The following WDR90 variants were observed in gnomAD, a reference collection of about 807,000 sequenced individuals.
The protein encoded by WDR90 is WD repeat domain 90.
In WDR90, 238 loss-of-function variants were observed where a neutral mutation model predicts 195.2. That is an observed-to-expected ratio of 1.22 (90% CI 1.10 to 1.36). The LOEUF (loss-of-function observed/expected upper bound fraction) is 1.36. WDR90 is among the 40% of genes most tolerant of loss of function. The probability of loss-of-function intolerance (pLI) is 0.00; values close to 1 mark genes in which losing one functional copy is unlikely to be tolerated. For missense variants in WDR90, 2,734 were observed against 2,439.5 expected (o/e 1.12, Z -2.54); for synonymous variants, 1,265 against 1,052.4 (o/e 1.20, Z -3.91).
chr16:657,453 C>CAGCCCA (rs2037784853), intron 20 of WDR90: 1 of 768,046 alleles, frequency 1.3e-6, no homozygotes. Flanking sequence ...AGGCGGCAGG[C>CAGCCCA]AGCCCAAGCT....
Position 657,772 on chromosome 16 carries a change from A to T in WDR90, c.2484A>T (p.Val828=), listed in dbSNP as rs920042982. ...WHVLRVAADM[V]CPDAPASPSA... The stretch of plus-strand genomic sequence containing the variant: ...CCCGTGTGGCCACAGCGGACATGGT[A>T]TGCCCGGATGCCCCCGCGAGCCCCA... The change falls in exon 21 of 41, where the codon GTA becomes GTT. Residue 828 remains valine, a synonymous_variant. Transcript: ENST00000293879. 1 of 1,548,280 alleles carries T rather than the reference A, an allele frequency of 6.5e-7. No homozygotes were observed. Among genetic ancestry groups the T allele is most frequent in the African/African-American group, 1.4e-5 (1 of 72,932 alleles).
At chr16:650,949 T>C in intron 5 of WDR90, 46 bp from the exon 6 acceptor site, 1 of 1,597,298 alleles carries the variant, frequency 6.3e-7, no homozygotes, top group African/African-American at 1.3e-5. Context: ...TGTGTTCAGG[T>C]GGCTAAACAG....
intron 40 of WDR90, 150 bp downstream of exon 40, chr16:667,139 G>A: frequency 1.1e-6 from 1 of 912,770 alleles, no homozygotes; most frequent in South Asian, 1.5e-5. Flanking sequence ...GAGGGTCCTG[G>A]AGTCAGGAGA....
In WDR90 at chr16:666,287, C is replaced by T; in HGVS notation, c.4677C>T (p.Thr1559=). The part of the protein sequence containing the change: ...VAVSHPCTGT[T]FRVLSDHQGA... ...TGAGCCACCCCTGCACAGGGACAAC[C>T]TTCCGTGTGCTGAGTGACCACCAGG... Residue 1559 remains threonine (T), a synonymous_variant, in exon 37 of 41, where the codon ACC becomes ACT. Transcript: ENST00000293879. 1 of 1,612,656 alleles carries T rather than the reference C, an allele frequency of 6.2e-7. No individual in the cohort carries two copies. Among genetic ancestry groups the T allele is most frequent in the South Asian group, 1.1e-5 (1 of 91,086 alleles).
At position 650,565 on chromosome 16, in the gene WDR90, G is replaced by T. The variant is rs1313199026; in HGVS notation, c.415G>T (p.Ala139Ser). 7 of 1,611,214 alleles carry T rather than the reference G, an allele frequency of 4.3e-6. No homozygotes were observed. In the East Asian group the frequency reaches 1.6e-4, roughly 36 times the overall value. ...TCTGGTGGGTTTGGCCCCCTCCGGAGCCCGCTGGACCTGCCTGCAGCTCGA... is the reference window on the plus strand; with the variant it reads ...TCTGGTGGGTTTGGCCCCCTCCGGATCCCGCTGGACCTGCCTGCAGCTCGA... ...RDLVGLAPSG[A>S]RWTCLQLDLQ... The change falls in exon 5 of 41, where the codon GCC (alanine) becomes TCC (serine). Residue 139 changes from alanine (A) to serine (S), a missense_variant. Coordinates refer to ENST00000293879, the MANE Select transcript of WDR90 (RefSeq NM_145294.5).
intron 36 of WDR90, 31 bp downstream of exon 36, chr16:666,155 C>T (rs756172359): frequency 5.0e-6 from 8 of 1,605,200 alleles, no homozygotes; most frequent in East Asian, 4.5e-5. Context: ...GGGATGGTGC[C>T]GTCCTGACCT....
chr16:656,047 C>G lies in WDR90; in HGVS notation c.1966+158C>G, dbSNP rs747482158. The G allele has an allele frequency of 2.6e-5, 25 of 965,840 alleles. No individual in the cohort carries two copies. The South Asian group carries it at 3.8e-4, about 15-fold the overall frequency. The allele number at this position is 965,840 out of a possible 1,614,324, so 59.8% of individuals were successfully genotyped here. On this transcript the variant is annotated intron_variant, in intron 17 of 40. Transcript: ENST00000293879. ...TGGCATATCCAGAGCCCTGGGGCGG[C>G]TGATGCCAGGGCGGCCCGCGGGGCA... is the stretch of plus-strand genomic sequence containing the variant.
In WDR90 at chr16:655,159, G is replaced by C; in HGVS notation, c.1556+12G>C. The C allele has an allele frequency of 1.2e-6, 2 of 1,612,390 alleles. No homozygotes were observed. The highest frequency in any genetic ancestry group is 1.7e-6 in the Non-Finnish European group (2 of 1,179,582). ...TTTGATGAAACCAGGTGATGCAGCC[G>C]CCCATCCACGATGTTGGGAGAGGGT... is the stretch of plus-strand genomic sequence containing the variant. On this transcript the variant is annotated intron_variant, in intron 14 of 40. Coordinates refer to ENST00000293879, the MANE Select transcript of WDR90 (RefSeq NM_145294.5).
At chr16:657,068 C>A (rs369522256) in intron 19 of WDR90, 23 bp from the exon 20 acceptor site, 1 of 1,594,456 alleles carries the variant, frequency 6.3e-7, no homozygotes, top group South Asian at 1.1e-5. Context: ...CTAGGGCCAG[C>A]GGGGTCCCTG....
At chr16:655,181 G>C (rs1440157953) in intron 14 of WDR90, 34 bp downstream of exon 14, 2 of 1,612,256 alleles carry the variant, frequency 1.2e-6, no homozygotes, top group African/African-American at 2.7e-5. Context: ...TGTTGGGAGA[G>C]GGTCTGGGCC....
chr16:656,972 C>A, intron 19 of WDR90, 101 bp downstream of exon 19: 1 of 1,553,598 alleles, frequency 6.4e-7, no homozygotes. Context: ...TGGCTGGAGC[C>A]CCACCCTTTG....
chr16:661,672 A>G lies in WDR90; in HGVS notation c.3749A>G (p.Glu1250Gly). ...CTCGTGTCCTCCACCCGCCTCCCGG[A>G]GCCGGTGCATGGTGTGGCCTTCAAC... ...YDLVSSTRLP[E>G]PVHGVAFNPW... The change falls in exon 31 of 41, where the codon GAG becomes GGG. Residue 1250 changes from glutamate to glycine, a missense_variant. Transcript: ENST00000293879. The G allele has an allele frequency of 6.2e-7, 1 of 1,612,026 alleles. No individual in the cohort carries two copies. Among genetic ancestry groups the G allele is most frequent in the Non-Finnish European group, 8.5e-7 (1 of 1,179,720 alleles).
chr16:655,693 C>T lies in WDR90; in HGVS notation c.1839C>T (p.Thr613=), dbSNP rs1479630699. The change falls in exon 16 of 41, where the codon ACC becomes ACT. Residue 613 remains threonine, a synonymous_variant. Transcript: ENST00000293879. ...GCGGTCCCCACCCACAGAAGCAGAC[C>T]TTCAGCTCAGGTAAGAGGGCGCCCA... ...TPGGPHPQKQ[T]FSSGPGIAIS... The T allele has an allele frequency of 2.5e-6, 4 of 1,595,050 alleles. No homozygotes were observed. The highest frequency in any genetic ancestry group is 1.7e-4 in the Middle Eastern group (1 of 6,028).
In WDR90 at chr16:660,060, G is replaced by A. The variant is rs775396292; in HGVS notation, c.3187G>A (p.Ala1063Thr). 1.2e-5 allele frequency: 18 copies of A among 1,541,900 alleles called. No homozygotes were observed. The African/African-American group carries it at 1.5e-4, about 13-fold the overall frequency. Residue 1063 changes from alanine to threonine, a missense_variant and splice_region_variant, in exon 27 of 41, where the codon GCC becomes ACC. Transcript: ENST00000293879. ...AAGCTCTGCCTCCTCCCTGCCAGGC[G>A]CCAGGGACACCAGGAATTCGGGGGC... is the stretch of plus-strand genomic sequence containing the variant. ...CARPPEGGDG[A>T]RDTRNSGAPR...
At chr16:661,544 C>T (rs952257001) in intron 30 of WDR90, 43 bp downstream of exon 30, 2 of 1,532,860 alleles carry the variant, frequency 1.3e-6, no homozygotes, top group African/African-American at 2.1e-5. Context: ...TCCCTAGACC[C>T]CGGGGGGGGC....
chr16:658,691 G>T, intron 23 of WDR90, 38 bp downstream of exon 23: 1 of 1,594,984 alleles, frequency 6.3e-7, no homozygotes, highest in Non-Finnish European at 8.6e-7. Context: ...TGGCGGTCAG[G>T]AGCCTCCTCA....
At chr16:657,266 G>A (rs537854159) in intron 20 of WDR90, 45 bp downstream of exon 20, 163 of 1,496,550 alleles carry the variant, frequency 1.1e-4, no homozygotes, top group Non-Finnish European at 1.3e-4. Context: ...CAGGGCGGGG[G>A]AGGCCTGGAT....
Position 655,420 on chromosome 16 carries a change from C to A in WDR90, c.1670C>A (p.Ala557Asp), listed in dbSNP as rs369841063. The change falls in exon 15 of 41, where the codon GCC (alanine) becomes GAC (aspartate). Residue 557 changes from alanine to aspartate, a missense_variant. Ala to Asp is a moderately radical substitution (Grantham distance 126). Coordinates refer to ENST00000293879, the MANE Select transcript of WDR90 (RefSeq NM_145294.5). ...EHHALQFTDL[A>D]FKQARDGCPE... ...CACGCGCTGCAGTTCACCGACCTGG[C>A]CTTCAAGCAGGCCCGGGACGGCTGC... 6.9e-5 allele frequency: 109 copies of A among 1,584,656 alleles called. No homozygotes were observed. The highest frequency in any genetic ancestry group is 1.7e-4 in the Middle Eastern group (1 of 6,026).
chr16:650,699 C>A lies in WDR90; in HGVS notation c.549C>A (p.Cys183Ter). 1 of 1,608,188 alleles carries A rather than the reference C, an allele frequency of 6.2e-7. No individual in the cohort carries two copies. Among genetic ancestry groups the A allele is most frequent in the Non-Finnish European group, 8.5e-7 (1 of 1,176,146 alleles). Residue 183 changes from cysteine (C) to a stop codon, truncating the protein, a stop_gained, in exon 5 of 41, where the codon TGC becomes TGA. Transcript: ENST00000293879. LOFTEE classifies it high-confidence loss of function. ...LVRNLYTSDL[C>*]FEPAISGAQW... ...GGAACCTGTACACCAGTGACCTGTG[C>A]TTTGAGCCTGGTGAGGGCCGCACCT...
Sources: gnomAD v4.1 joint callset for allele counts on GRCh38, gnomAD v4.1.1 for gene constraint, MANE v1.5 for transcripts, NCBI Gene and HGNC (gene_info 2026-07-23, HGNC 2026-07-21) for gene names.